The following BRWD1 variants were observed in gnomAD, a reference collection of about 807,000 sequenced individuals.
BRWD1 encodes the protein bromodomain and WD repeat domain containing 1.
In BRWD1, 82 loss-of-function variants were observed where a neutral mutation model predicts 251.2. That is an observed-to-expected ratio of 0.33 (90% CI 0.27 to 0.39). The LOEUF is 0.39. BRWD1 is among the 10% of genes least tolerant of loss of function. The probability of loss-of-function intolerance (pLI) is 1.00; values close to 1 mark genes in which losing one functional copy is unlikely to be tolerated. For synonymous variants in BRWD1, 918 were observed against 902.8 expected, an observed-to-expected ratio of 1.02 and a Z score of -0.30; for missense variants, 2,233 against 2,711.6, an observed-to-expected ratio of 0.82 and a Z score of 3.92.
intron 23 of BRWD1, chr21:39,235,296 G>A (rs1013742618): frequency 1.3e-5 from 2 of 152,112 alleles, no homozygotes; most frequent in African/African-American, 4.8e-5. Flanking sequence ...ATAAAGCACT[G>A]CTTTGTTTTA....
At chr21:39,268,293 A>G (rs2146665151) in intron 15 of BRWD1, among the ~76,000 whole-genome samples, 1 of 152,214 alleles carries the variant, frequency 6.6e-6, no homozygotes, top group Non-Finnish European at 1.5e-5. Flanking sequence ...ACAAAAAATT[A>G]GCTGGATGTG....
intron 31 of BRWD1, chr21:39,217,051 TTATATATA>T (rs1192153828): frequency 9.4e-5 from 2 of 21,198 alleles, no homozygotes; most frequent in South Asian, 1.9e-3. Flanking sequence ...ATATATATAT[TTATATATA>T]TATATATATA....
intron 4 of BRWD1, among the ~76,000 whole-genome samples, chr21:39,303,608 T>G (rs1445670188): frequency 6.7e-6 from 1 of 150,060 alleles, no homozygotes; most frequent in Non-Finnish European, 1.5e-5. Context: ...TGACGGCAGA[T>G]CATTTGAGCT....
At chr21:39,222,246 G>A (rs2033208199) in intron 29 of BRWD1, among the ~76,000 whole-genome samples, 1 of 152,142 alleles carries the variant, frequency 6.6e-6, no homozygotes, top group Non-Finnish European at 1.5e-5. Flanking sequence ...TTCACAGGAG[G>A]ACTATTCACC....
At chr21:39,282,560 TA>T (rs960130291) in intron 8 of BRWD1, among the ~76,000 whole-genome samples, 7 of 152,012 alleles carry the variant, frequency 4.6e-5, no homozygotes, top group African/African-American at 9.7e-5. Context: ...GCTTTCACTT[TA>T]AAAAAAATTT....
intron 6 of BRWD1, 94 bp downstream of exon 6, chr21:39,296,170 GT>G: frequency 2.0e-6 from 2 of 987,086 alleles, no homozygotes; most frequent in Non-Finnish European, 2.9e-6. Flanking sequence ...ATTTCAACCA[GT>G]ATTTCCTTTT....
Position 39,193,210 on chromosome 21 carries a change from T to C in BRWD1, c.*3049A>G, listed in dbSNP as rs2031644080. 1 of 985,172 alleles carries C rather than the reference T, an allele frequency of 1.0e-6. No homozygotes were observed. Among genetic ancestry groups the C allele is most frequent in the Non-Finnish European group, 1.2e-6 (1 of 829,740 alleles). 61.0% of individuals were successfully genotyped at this position (985,172 alleles called of 1,614,324 possible). Reference sequence around the variant, plus strand: ...TCCTCTTTAGGTGCAGCTCTACTATTTGAAAGGAACCTTTCTGTTGTAATT... The same window carrying C: ...TCCTCTTTAGGTGCAGCTCTACTATCTGAAAGGAACCTTTCTGTTGTAATT... On this transcript the variant is annotated 3_prime_UTR_variant, in exon 41 of 41. Transcript: ENST00000342449.
intron 2 of BRWD1, 27 bp downstream of exon 2, chr21:39,313,214 C>G: frequency 6.6e-7 from 1 of 1,522,278 alleles, no homozygotes; most frequent in Non-Finnish European, 8.9e-7. Flanking sequence ...ACGCCAAGTC[C>G]GCAGCCGCCC....
At chr21:39,211,692 A>T (rs1424048322) in intron 34 of BRWD1, among the ~76,000 whole-genome samples, 1 of 152,214 alleles carries the variant, frequency 6.6e-6, no homozygotes, top group Non-Finnish European at 1.5e-5. Context: ...GCTGCAGCAG[A>T]CATAGCAAAT....
chr21:39,259,974 A>C (rs2034687718), intron 17 of BRWD1, among the ~76,000 whole-genome samples: 1 of 152,220 alleles, frequency 6.6e-6, no homozygotes, highest in Admixed American at 6.5e-5. Flanking sequence ...GGGATGGGCA[A>C]GGGAGGACAT....
Position 39,202,472 on chromosome 21 carries a change from T to A in BRWD1, c.4438A>T (p.Thr1480Ser). Residue 1480 changes from threonine (T) to serine (S), a missense_variant, in exon 38 of 41, where the codon ACC (threonine) becomes TCC (serine). Physicochemically the swap from Thr to Ser is moderately conservative, Grantham distance 58. Transcript: ENST00000342449. ...PELVGSPTQS[T>S]SSRTAYLGTH... ...CCAAGATAAGCTGTCCTACTTGAGGTAGACTGGGTAGGAGAACCTACCAAC... is the reference window on the plus strand; with the variant it reads ...CCAAGATAAGCTGTCCTACTTGAGGAAGACTGGGTAGGAGAACCTACCAAC... The A allele has an allele frequency of 6.2e-7, 1 of 1,614,104 alleles. No homozygotes were observed. The highest frequency in any genetic ancestry group is 8.5e-7 in the Non-Finnish European group (1 of 1,179,968).
chr21:39,284,957 C>G (rs1160584270), intron 8 of BRWD1, among the ~76,000 whole-genome samples: 1 of 152,012 alleles, frequency 6.6e-6, no homozygotes, highest in African/African-American at 2.4e-5. Flanking sequence ...TGCTTTTGTT[C>G]CCTATGCTTT....
chr21:39,293,699 T>C (rs2035877809), intron 8 of BRWD1, 112 bp downstream of exon 8: 2 of 787,920 alleles, frequency 2.5e-6, no homozygotes, highest in Non-Finnish European at 4.0e-6. Context: ...TCACTTCTCT[T>C]ACTTAAAACA....
intron 34 of BRWD1, among the ~76,000 whole-genome samples, chr21:39,211,358 G>T (rs946631613): frequency 6.6e-6 from 1 of 152,044 alleles, no homozygotes; most frequent in African/African-American, 2.4e-5. Context: ...TTGCATTAAG[G>T]GTATAGACCT....
chr21:39,311,568 G>A (rs557486267), intron 4 of BRWD1, among the ~76,000 whole-genome samples: 2 of 152,252 alleles, frequency 1.3e-5, no homozygotes, highest in East Asian at 3.9e-4. Flanking sequence ...ATGCTTTTCC[G>A]CTTCACCGAT....
intron 29 of BRWD1, among the ~76,000 whole-genome samples, chr21:39,222,074 A>G (rs866937132): frequency 6.6e-6 from 1 of 152,300 alleles, no homozygotes. Flanking sequence ...AGGATGTGAA[A>G]AAATTGGAAC....
At chr21:39,248,678 A>AAAAAAAAAAAAAAAAAAC (rs1300498533) in intron 20 of BRWD1, among the ~76,000 whole-genome samples, 1 of 108,714 alleles carries the variant, frequency 9.2e-6, no homozygotes. Context: ...AAAAAAAAAA[A>AAAAAAAAAAAAAAAAAAC]AAACACTGGG....
Position 39,313,578 on chromosome 21 carries a change from T to G in BRWD1, c.-87A>C. The G allele has an allele frequency of 8.8e-7, 1 of 1,135,264 alleles. No individual in the cohort carries two copies. 70.3% of individuals were successfully genotyped at this position (1,135,264 alleles called of 1,614,324 possible). ...GGCCTGACCGGGCTGGCGTCCCCTC[T>G]TCTCAGGCGCGCGCCGCCGCCGCCG... On this transcript the variant is annotated 5_prime_UTR_variant, in exon 1 of 41. Coordinates refer to ENST00000342449, the MANE Select transcript of BRWD1 (RefSeq NM_033656.4).
chr21:39,303,284 C>T (rs577359133), intron 4 of BRWD1, among the ~76,000 whole-genome samples: 21 of 151,578 alleles, frequency 1.4e-4, no homozygotes, highest in Non-Finnish European at 2.8e-4. Flanking sequence ...TTTGAGAGGC[C>T]AAGACAGGTG....
Sources: allele counts gnomAD v4.1 joint callset (sites outside exome capture counted in the v4.1 genomes callset), GRCh38; gene constraint gnomAD v4.1.1; transcripts MANE v1.5; gene names NCBI Gene and HGNC (gene_info 2026-07-23, HGNC 2026-07-21).